The following SHISA9 variants were observed in gnomAD, a reference collection of about 807,000 sequenced individuals.
SHISA9 encodes shisa family member 9, also known as protein shisa-9.
Under a neutral mutation model 38.0 loss-of-function variants are expected in SHISA9, and 13 were observed. The ratio of observed to expected loss-of-function variants is 0.34; its 90% CI spans 0.22 to 0.54. SHISA9 has a LOEUF of 0.54. Among genes scored for constraint, SHISA9 ranks in the 20% least tolerant of loss-of-function variants. SHISA9 has a pLI of 0.91. For missense variants in SHISA9, 538 were observed against 575.8 expected (o/e 0.93, Z 0.67); for synonymous variants, 275 against 242.0 (o/e 1.14, Z -1.27).
chr16:13,041,536 T>C (rs1365129253), intron 2 of SHISA9, among the ~76,000 whole-genome samples: 1 of 152,212 alleles, frequency 6.6e-6, no homozygotes. Flanking sequence ...GCCACTCAAG[T>C]TGGACTTGCA....
intron 2 of SHISA9, among the ~76,000 whole-genome samples, chr16:13,169,978 G>A (rs992866565): frequency 2.6e-5 from 4 of 152,104 alleles, no homozygotes; most frequent in South Asian, 2.1e-4. Context: ...CGAGGCAAGT[G>A]GATCACCTGA....
the SHISA9 span, among the ~76,000 whole-genome samples, chr16:13,456,216 C>G: frequency 6.6e-6 from 1 of 152,140 alleles, no homozygotes; most frequent in East Asian, 1.9e-4. Flanking sequence ...CATGACGGGA[C>G]TTTCTCATCT....
At chr16:13,487,129 C>T in the SHISA9 span, among the ~76,000 whole-genome samples, 3 of 152,226 alleles carry the variant, frequency 2.0e-5, no homozygotes, top group Admixed American at 1.3e-4. Flanking sequence ...ATTGCTTGTA[C>T]AGTCATCCCT....
At chr16:13,125,190 T>G (rs2050245893) in intron 2 of SHISA9, among the ~76,000 whole-genome samples, 1 of 149,926 alleles carries the variant, frequency 6.7e-6, no homozygotes, top group South Asian at 2.2e-4. Flanking sequence ...ACCCAGAGAA[T>G]GGGAGAAAAT....
chr16:13,402,045 G>A, the SHISA9 span, among the ~76,000 whole-genome samples: 1 of 152,288 alleles, frequency 6.6e-6, no homozygotes, highest in South Asian at 2.1e-4. Flanking sequence ...GGGGATTATA[G>A]GAGCTACAAT....
At chr16:13,250,124 C>G in the SHISA9 span, among the ~76,000 whole-genome samples, 1 of 152,186 alleles carries the variant, frequency 6.6e-6, no homozygotes, top group African/African-American at 2.4e-5. Flanking sequence ...ATCTGCTACC[C>G]TTTCAAGTCC....
the SHISA9 span, among the ~76,000 whole-genome samples, chr16:13,526,870 G>C: frequency 6.6e-6 from 1 of 152,186 alleles, no homozygotes; most frequent in South Asian, 2.1e-4. Context: ...TACATCCATG[G>C]TGAAGAACCC....
chr16:13,292,166 CA>C, the SHISA9 span, among the ~76,000 whole-genome samples: 5 of 151,864 alleles, frequency 3.3e-5, no homozygotes, highest in Admixed American at 3.3e-4. Context: ...TAGGAAAAGC[CA>C]AAGATGACCC....
At chr16:13,245,107 G>A (rs1409276813), downstream of SHISA9, among the ~76,000 whole-genome samples, 1 of 151,870 alleles carries the variant, frequency 6.6e-6, no homozygotes, top group Non-Finnish European at 1.5e-5. Context: ...TGTAGAGATG[G>A]GCATTCACCA....
At chr16:13,333,369 C>T in the SHISA9 span, among the ~76,000 whole-genome samples, 2 of 152,100 alleles carry the variant, frequency 1.3e-5, no homozygotes, top group East Asian at 3.9e-4. Context: ...AGGGTATCAC[C>T]CTAATGGTAT....
chr16:12,915,815 GAC>G (rs1313795425), intron 1 of SHISA9, among the ~76,000 whole-genome samples: 2 of 152,114 alleles, frequency 1.3e-5, no homozygotes, highest in Non-Finnish European at 2.9e-5. Flanking sequence ...TTATGTAAAA[GAC>G]ACACACATAT....
chr16:13,523,281 T>A, the SHISA9 span, among the ~76,000 whole-genome samples: 1 of 151,948 alleles, frequency 6.6e-6, no homozygotes, highest in Non-Finnish European at 1.5e-5. Context: ...ACCAGGGAGG[T>A]GGACGTTGCA....
the SHISA9 span, among the ~76,000 whole-genome samples, chr16:13,348,764 C>T: frequency 6.6e-6 from 1 of 151,932 alleles, no homozygotes; most frequent in East Asian, 2.0e-4. Flanking sequence ...CATGGAGGTC[C>T]GATCTGCATT....
At chr16:12,930,212 G>T (rs2071445781) in intron 2 of SHISA9, among the ~76,000 whole-genome samples, 1 of 152,190 alleles carries the variant, frequency 6.6e-6, no homozygotes, top group Non-Finnish European at 1.5e-5. Flanking sequence ...AAATTTTTCA[G>T]ATGGAATAAA....
At chr16:13,204,803 GC>G in intron 3 of SHISA9, 1 of 152,190 alleles carries the variant, frequency 6.6e-6, no homozygotes, top group Non-Finnish European at 1.5e-5. Flanking sequence ...AATATAACTT[GC>G]CCAAGTCAAG....
downstream of SHISA9, among the ~76,000 whole-genome samples, chr16:13,242,958 C>T (rs962318453): frequency 4.6e-5 from 7 of 152,062 alleles, no homozygotes; most frequent in African/African-American, 7.2e-5. Flanking sequence ...ATTATTTTGC[C>T]GGCCAGGCAC....
chr16:13,517,793 G>T, the SHISA9 span, among the ~76,000 whole-genome samples: 1 of 152,178 alleles, frequency 6.6e-6, no homozygotes, highest in Non-Finnish European at 1.5e-5. Context: ...ATCCCCTTCT[G>T]CAGAGGAGGT....
At chr16:13,263,554 C>T in the SHISA9 span, among the ~76,000 whole-genome samples, 3 of 152,182 alleles carry the variant, frequency 2.0e-5, no homozygotes, top group African/African-American at 7.2e-5. Flanking sequence ...GAGACCTCCC[C>T]AGAAGCTGAA....
intron 2 of SHISA9, among the ~76,000 whole-genome samples, chr16:13,049,722 C>T (rs2073229030): frequency 6.6e-6 from 1 of 152,158 alleles, no homozygotes; most frequent in Admixed American, 6.5e-5. Context: ...CCTCCTGCTG[C>T]TTCTCCTCCT....
Sources: gnomAD v4.1 joint callset for allele counts (sites outside exome capture counted in the v4.1 genomes callset) on GRCh38, gnomAD v4.1.1 for gene constraint, MANE v1.5 for transcripts, NCBI Gene and HGNC (gene_info 2026-07-23, HGNC 2026-07-21) for gene names.